The following KCNJ15 variants were observed in gnomAD, a reference collection of about 807,000 sequenced individuals.
KCNJ15 encodes potassium inwardly rectifying channel subfamily J member 15, also known as ATP-sensitive inward rectifier potassium channel 15.
Under a neutral mutation model 23.0 loss-of-function variants are expected in KCNJ15, and 14 were observed. The observed-to-expected ratio is 0.61, with a 90% CI of 0.40 to 0.95. KCNJ15 has a LOEUF of 0.95. Ranked by LOEUF, KCNJ15 falls within the 40% of genes least tolerant of loss-of-function variation. The pLI is 0.00. For synonymous variants in KCNJ15, 185 were observed against 183.2 expected (o/e 1.01, Z -0.08); for missense variants, 388 against 461.8 (o/e 0.84, Z 1.46).
chr21:38,253,195 G>C (rs1310034717), upstream of KCNJ15, among the ~76,000 whole-genome samples: 1 of 152,120 alleles, frequency 6.6e-6, no homozygotes, highest in Non-Finnish European at 1.5e-5. Context: ...ACACCACTTT[G>C]GGTTCCTCCT....
chr21:38,251,123 C>T (rs1979803053), intron 1 of KCNJ15, among the ~76,000 whole-genome samples: 2 of 152,302 alleles, frequency 1.3e-5, no homozygotes, highest in South Asian at 2.1e-4. Flanking sequence ...GGCGGGATTA[C>T]TCTGGTTGCA....
chr21:38,281,581 G>T (rs1983348712), intron 1 of KCNJ15, among the ~76,000 whole-genome samples: 1 of 152,178 alleles, frequency 6.6e-6, no homozygotes, highest in Non-Finnish European at 1.5e-5. Flanking sequence ...CTCCATCCAT[G>T]TTGCTGCAAA....
chr21:38,294,090 G>A (rs1340622381), intron 1 of KCNJ15, among the ~76,000 whole-genome samples: 1 of 152,196 alleles, frequency 6.6e-6, no homozygotes, highest in South Asian at 2.1e-4. Flanking sequence ...AGCCTCCTGA[G>A]CTCAGTGAAC....
intron 1 of KCNJ15, among the ~76,000 whole-genome samples, chr21:38,272,924 G>C (rs743296): frequency 0.8 from 121,487 of 152,168 alleles, 49,187 homozygotes; most frequent in African/African-American, 0.93. Flanking sequence ...GGGTATAAAA[G>C]TAAAATGTAG....
rs562127538 is a variant in KCNJ15, at chr21:38,290,925, CTAGATA to C, written c.-116-5998_-116-5993del. On this transcript the variant is annotated intron_variant, in intron 1 of 2. Transcript: ENST00000398938. ...CAAACTTTTTGATCCTTTTATCTCC[CTAGATA>C]TAAAGTGTAGAGTTTAGACCAGATC... is the stretch of plus-strand genomic sequence containing the variant. Among the ~76,000 whole-genome samples the C allele has an allele frequency of 3.2e-3, 493 of 151,732 alleles. 1 individual carries two copies. Among genetic ancestry groups the C allele is most frequent in the African/African-American group, 0.011 (470 of 41,192 alleles).
At chr21:38,251,230 C>T (rs1245989423) in intron 1 of KCNJ15, among the ~76,000 whole-genome samples, 4 of 152,236 alleles carry the variant, frequency 2.6e-5, no homozygotes, top group Non-Finnish European at 5.9e-5. Flanking sequence ...CATATCCCTT[C>T]TTTGACGGGA....
chr21:38,260,241 G>A (rs1455310165), intron 1 of KCNJ15, among the ~76,000 whole-genome samples: 1 of 152,188 alleles, frequency 6.6e-6, no homozygotes, highest in African/African-American at 2.4e-5. Flanking sequence ...AGTTGAACTT[G>A]ACAGGTGTAG....
At chr21:38,295,378 C>T (rs2008841) in intron 1 of KCNJ15, among the ~76,000 whole-genome samples, 65,575 of 151,988 alleles carry the variant, frequency 0.43, 15,460 homozygotes, top group Non-Finnish European at 0.54. Flanking sequence ...CCAATTTTTC[C>T]GAAATAGACA....
At chr21:38,279,728 C>T (rs1338622846) in intron 1 of KCNJ15, among the ~76,000 whole-genome samples, 1 of 152,126 alleles carries the variant, frequency 6.6e-6, no homozygotes, top group Non-Finnish European at 1.5e-5. Flanking sequence ...TGACTCTGCT[C>T]CCCAAAGCTT....
rs1323927924 is a variant in KCNJ15 at position 38,300,404 on chromosome 21, T to C, written c.*15T>C. The C allele has an allele frequency of 6.3e-7, 1 of 1,582,926 alleles. No individual in the cohort carries two copies. Among genetic ancestry groups the C allele is most frequent in the Non-Finnish European group, 8.6e-7 (1 of 1,162,992 alleles). On this transcript the variant is annotated 3_prime_UTR_variant, in exon 3 of 3. Coordinates refer to ENST00000398938, the MANE Select transcript of KCNJ15 (RefSeq NM_170736.3). The stretch of plus-strand genomic sequence containing the variant: ...GCAATGTCTGATCACAGGGGCGCCA[T>C]CCAGGTTTAACCCTGCAAGCTGTTT...
In KCNJ15 at chr21:38,248,944, T is replaced by C. The variant is rs1031701953; in HGVS notation, c.-398-8102T>C. On this transcript the variant is annotated intron_variant, in intron 1 of 4. Coordinates refer to the KCNJ15 transcript ENST00000547341. ...GACCCTGGGAGGTAAACTGTTTTTC[T>C]CAGTTCACTAGTGCAAAACCATCTC... Among the ~76,000 whole-genome samples, 7 of 152,274 alleles carry C rather than the reference T, an allele frequency of 4.6e-5. No homozygotes were observed. The East Asian group carries it at 1.4e-3, about 29-fold the overall frequency.
chr21:38,261,032 C>T (rs1013058732), intron 1 of KCNJ15, among the ~76,000 whole-genome samples: 6 of 152,102 alleles, frequency 3.9e-5, no homozygotes, highest in Non-Finnish European at 8.8e-5. Flanking sequence ...TCCTCAGAGT[C>T]ACCGCTGGGC....
intron 1 of KCNJ15, among the ~76,000 whole-genome samples, chr21:38,294,824 C>T (rs1416194477): frequency 1.3e-5 from 2 of 152,182 alleles, no homozygotes; most frequent in African/African-American, 4.8e-5. Flanking sequence ...CATAAGCACT[C>T]AGTGACCTCA....
chr21:38,300,794 AT>A lies in KCNJ15; in HGVS notation c.*407del, dbSNP rs1408735763. The A allele has an allele frequency of 5.7e-6, 1 of 176,354 alleles. No homozygotes were observed. The highest frequency in any genetic ancestry group is 1.3e-5 in the Non-Finnish European group (1 of 74,358). The allele number at this position is 176,354 out of a possible 1,614,324, so 10.9% of individuals were successfully genotyped here. A position where few individuals can be genotyped will look rare whatever the true frequency, so the allele number is the denominator to read the frequency against. ...CAATGACCTTATGGCTGAGAGTTGA[AT>A]TGTGGTTCAGTATTCATTGATCTCA... is the stretch of plus-strand genomic sequence containing the variant. On this transcript the variant is annotated 3_prime_UTR_variant, in exon 3 of 3. Transcript: ENST00000398938.
At chr21:38,237,606 C>T (rs1024852339) in intron 1 of KCNJ15, among the ~76,000 whole-genome samples, 3 of 152,000 alleles carry the variant, frequency 2.0e-5, no homozygotes, top group Admixed American at 6.6e-5. Flanking sequence ...TGGAGGTGAG[C>T]GGGGGGGCAG....
chr21:38,299,557 A>G lies in KCNJ15; in HGVS notation c.296A>G (p.Glu99Gly), dbSNP rs1985538541. The change falls in exon 3 of 3, where the codon GAG (glutamate) becomes GGG (glycine). Residue 99 changes from glutamate (E) to glycine (G), a missense_variant. By Grantham distance (98) the Glu-to-Gly change is moderately conservative. Coordinates refer to ENST00000398938, the MANE Select transcript of KCNJ15 (RefSeq NM_170736.3). This position sits in a 1 kb window ranked among gnomAD's most constrained non-coding sequence, Gnocchi z 4.5. ...AFIHGDLEPGEPISNHTPCIM... is the reference protein window; with the variant it reads ...AFIHGDLEPGGPISNHTPCIM... ...ATTCATGGGGACTTAGAACCCGGTG[A>G]GCCCATTTCAAATCATACCCCCTGC... The G allele has an allele frequency of 1.9e-6, 3 of 1,614,012 alleles. No individual in the cohort carries two copies. Among genetic ancestry groups the G allele is most frequent in the South Asian group, 2.2e-5 (2 of 91,078 alleles).
upstream of KCNJ15, among the ~76,000 whole-genome samples, chr21:38,252,068 C>G (rs182843752): frequency 2.0e-5 from 3 of 152,304 alleles, no homozygotes; most frequent in East Asian, 5.8e-4. Flanking sequence ...CAAGGGGAGA[C>G]AGGCGATTCT....
chr21:38,284,800 G>T (rs1983719771), intron 1 of KCNJ15, among the ~76,000 whole-genome samples: 1 of 152,086 alleles, frequency 6.6e-6, no homozygotes, highest in Non-Finnish European at 1.5e-5. Flanking sequence ...TCGTTTCCTG[G>T]AAGGTGCCAA....
intron 1 of KCNJ15, among the ~76,000 whole-genome samples, chr21:38,290,397 G>A (rs1008543172): frequency 1.3e-5 from 2 of 152,146 alleles, no homozygotes; most frequent in Non-Finnish European, 2.9e-5. Flanking sequence ...AATAATAATG[G>A]AACAGAAACA....
Sources: gnomAD v4.1 joint callset for allele counts (sites outside exome capture counted in the v4.1 genomes callset) on GRCh38, gnomAD v4.1.1 for gene constraint, Gnocchi (gnomAD v3.1) non-coding constraint, MANE v1.5 for transcripts, NCBI Gene and HGNC (gene_info 2026-07-23, HGNC 2026-07-21) for gene names.